HDLBP: variants seen among roughly 807,000 people sequenced by gnomAD.
HDLBP encodes high density lipoprotein binding protein, also known as vigilin.
In HDLBP, 30 loss-of-function variants were observed where a neutral mutation model predicts 137.3. That is an observed-to-expected ratio of 0.22 (90% confidence interval 0.16 to 0.30). The LOEUF is 0.30. Among genes scored for constraint, HDLBP ranks in the 10% least tolerant of loss-of-function variants. The pLI is 1.00. For missense variants in HDLBP, 1,119 were observed against 1,667.3 expected, an observed-to-expected ratio of 0.67 and a Z score of 5.73; for synonymous variants, 606 against 596.0, an observed-to-expected ratio of 1.02 and a Z score of -0.24.
chr2:241,285,353 A>C (rs2074764270), intron 1 of HDLBP, among the ~76,000 whole-genome samples: 1 of 152,334 alleles, frequency 6.6e-6, no homozygotes, highest in South Asian at 2.1e-4. Flanking sequence ...TGTGCACTGT[A>C]GCATTTTTGT....
chr2:241,295,205 G>A (rs2075133476), intron 1 of HDLBP, among the ~76,000 whole-genome samples: 1 of 152,108 alleles, frequency 6.6e-6, no homozygotes, highest in Non-Finnish European at 1.5e-5. Context: ...ACTTTCTATG[G>A]AGTTTAACAT....
At position 241,230,064 on chromosome 2, in the gene HDLBP, G is replaced by A; in HGVS notation, c.3591+89C>T. 6.3e-7 allele frequency: 1 copy of A among 1,579,886 alleles called. No individual in the cohort carries two copies. Among genetic ancestry groups the A allele is most frequent in the Non-Finnish European group, 8.7e-7 (1 of 1,155,546 alleles). On this transcript the variant is annotated intron_variant, in intron 26 of 27. Transcript: ENST00000310931. This position sits in a 1 kb window ranked among gnomAD's most constrained non-coding sequence, Gnocchi z 5.0. The stretch of plus-strand genomic sequence containing the variant: ...CTCGCCTGCCTCTGGAAACACAAGT[G>A]CCACCTTGTCCCCTGAAGCTCCTGG...
At chr2:241,267,879 T>C (rs1392030959) in intron 2 of HDLBP, 2 of 985,444 alleles carry the variant, frequency 2.0e-6, no homozygotes, top group Non-Finnish European at 2.4e-6. Context: ...AGTTTCTCAT[T>C]AGCACAGCCA....
At chr2:241,250,124 A>G in intron 11 of HDLBP, 144 bp from the exon 12 acceptor site, 1 of 768,502 alleles carries the variant, frequency 1.3e-6, no homozygotes, top group African/African-American at 1.8e-5. Flanking sequence ...TTCCCAAACA[A>G]AAATCTCCAT....
chr2:241,309,019 C>T (rs973714535), intron 1 of HDLBP, among the ~76,000 whole-genome samples: 3 of 152,098 alleles, frequency 2.0e-5, no homozygotes, highest in African/African-American at 7.2e-5. Flanking sequence ...CAGTCCTGCC[C>T]CCGTGCTTTT....
chr2:241,270,910 C>T (rs2073993106), intron 1 of HDLBP: 1 of 895,052 alleles, frequency 1.1e-6, no homozygotes, highest in Non-Finnish European at 1.3e-6. Context: ...CTGGATCTAA[C>T]AGTACTGTCC....
rs555079202 is a variant in HDLBP at position 241,299,395 on chromosome 2, T to G, written c.-103+16175A>C. Among the ~76,000 whole-genome samples, 8 of 148,830 alleles carry G rather than the reference T, an allele frequency of 5.4e-5. No homozygotes were observed. The South Asian group carries it at 1.7e-3, about 31-fold the overall frequency. ...AGCCAGGCATGGTGGCGTGCATCTG[T>G]AGTACCAGCTACTCGGGAGGCTGAG... On this transcript the variant is annotated intron_variant, in intron 1 of 27. Coordinates refer to ENST00000310931, the MANE Select transcript of HDLBP (RefSeq NM_005336.6).
intron 5 of HDLBP, among the ~76,000 whole-genome samples, chr2:241,258,930 A>G (rs2072934883): frequency 1.3e-5 from 2 of 152,208 alleles, no homozygotes; most frequent in African/African-American, 2.4e-5. Flanking sequence ...GCCCGATTCC[A>G]CATGCAGCCA....
At position 241,238,150 on chromosome 2, in the gene HDLBP, A is replaced by C. The variant is rs2289795; in HGVS notation, c.2749+499T>G. On this transcript the variant is annotated intron_variant, in intron 20 of 27. Coordinates refer to ENST00000310931, the MANE Select transcript of HDLBP (RefSeq NM_005336.6). This position sits in a 1 kb window ranked among gnomAD's most constrained non-coding sequence, Gnocchi z 4.9. ...TCCCACAGGTCGCCTCCCCACCACC[A>C]GGTGCATGAGCAGAGCTGGGGGCAA... is the stretch of plus-strand genomic sequence containing the variant. 40,732 of 152,428 alleles carry C rather than the reference A, an allele frequency of 0.27. 6,153 individuals are homozygous for C. Among genetic ancestry groups the C allele is most frequent in the East Asian group, 0.64 (3,282 of 5,166 alleles). The allele number at this position is 152,428 out of a possible 1,614,324, so 9.4% of individuals were successfully genotyped here.
chr2:241,298,573 G>A lies in HDLBP; in HGVS notation c.-103+16997C>T, dbSNP rs180689153. On this transcript the variant is annotated intron_variant, in intron 1 of 27. Transcript: ENST00000310931. Reference sequence around the variant, plus strand: ...CTCTGATTAAAGTTGAGATAGTTGAGATAACTGAAAGTTTGATTTTATTTC... The same window carrying A: ...CTCTGATTAAAGTTGAGATAGTTGAAATAACTGAAAGTTTGATTTTATTTC... 1.2e-4 allele frequency among the ~76,000 whole-genome samples: 19 copies of A among 152,202 alleles called. No homozygotes were observed. In the East Asian group the frequency reaches 2.9e-3, roughly 23 times the overall value.
intron 9 of HDLBP, among the ~76,000 whole-genome samples, chr2:241,254,097 C>G (rs113436328): frequency 6.6e-6 from 1 of 152,134 alleles, no homozygotes; most frequent in Non-Finnish European, 1.5e-5. Context: ...TCAACCTGGG[C>G]AACTAGTAAG....
At chr2:241,246,245 T>C (rs1039966182) in intron 16 of HDLBP, among the ~76,000 whole-genome samples, 4 of 116,794 alleles carry the variant, frequency 3.4e-5, no homozygotes, top group African/African-American at 1.4e-4. Flanking sequence ...GAAAGCAGAC[T>C]GGGGGTTGCC....
In HDLBP at chr2:241,256,318, C is replaced by T. The variant is rs754784308; in HGVS notation, c.739G>A (p.Glu247Lys). Residue 247 changes from glutamate (E) to lysine (K), a missense_variant, in exon 7 of 28, where the codon GAG becomes AAG. Glu to Lys is a moderately conservative substitution (Grantham distance 56). This residue lies in a region of HDLBP where 425 missense variants were observed against 693.9 expected (regional missense o/e 0.61). Transcript: ENST00000310931. ...CGCGTGCCTGTCTCCTGCATGATCT[C>T]GCCAACCAGTCTATTATACGGCCCA... ...IAGPYNRLVGEIMQETGTRIN... is the reference protein window; with the variant it reads ...IAGPYNRLVGKIMQETGTRIN... The T allele has an allele frequency of 2.7e-5, 43 of 1,614,028 alleles. No individual in the cohort carries two copies. The highest frequency in any genetic ancestry group is 3.5e-5 in the Non-Finnish European group (41 of 1,180,042).
chr2:241,295,247 A>C (rs942623540), intron 1 of HDLBP, among the ~76,000 whole-genome samples: 2 of 152,244 alleles, frequency 1.3e-5, no homozygotes, highest in African/African-American at 4.8e-5. Flanking sequence ...ATATTTCCCC[A>C]AAGTAACATA....
In HDLBP at chr2:241,272,396, G is replaced by A. The variant is rs2074147254; in HGVS notation, c.-102-3855C>T. The A allele has an allele frequency of 1.5e-5, 15 of 982,462 alleles. No individual in the cohort carries two copies. The highest frequency in any genetic ancestry group is 1.8e-5 in the Non-Finnish European group (15 of 829,038). 60.9% of individuals were successfully genotyped at this position (982,462 alleles called of 1,614,324 possible). A position where few individuals can be genotyped will look rare whatever the true frequency, so the allele number is the denominator to read the frequency against. On this transcript the variant is annotated intron_variant, in intron 1 of 27. Coordinates refer to ENST00000310931, the MANE Select transcript of HDLBP (RefSeq NM_005336.6). The surrounding 1 kb of genome is among the most constrained non-coding windows in gnomAD (Gnocchi z 5.6). Reference sequence around the variant, plus strand: ...GTCGGCCGCCCCTCCGCGCCGTGCGGCCACGGCACCAGGGGTGCCCCACCG... The same window carrying A: ...GTCGGCCGCCCCTCCGCGCCGTGCGACCACGGCACCAGGGGTGCCCCACCG...
chr2:241,270,748 C>A (rs756578609), intron 1 of HDLBP, among the ~76,000 whole-genome samples: 7 of 152,178 alleles, frequency 4.6e-5, no homozygotes, highest in Non-Finnish European at 8.8e-5. Context: ...ACAGACAACA[C>A]CCACGAGGGT....
intron 10 of HDLBP, 110 bp from the exon 11 acceptor site, chr2:241,253,145 G>T (rs1273164672): frequency 1.3e-6 from 1 of 755,756 alleles, no homozygotes; most frequent in African/African-American, 1.7e-5. Context: ...CAGCTGTCAG[G>T]AATTGTTGGA....
At position 241,229,355 on chromosome 2, in the gene HDLBP, T is replaced by C. The variant is rs925052665; in HGVS notation, c.*246A>G. On this transcript the variant is annotated 3_prime_UTR_variant, in exon 28 of 28. Transcript: ENST00000310931. ...GTGGACCAGGAGCTGGAGTCTGTTA[T>C]CTTAGCACGAATGCTCATGACCTTG... 2 of 432,270 alleles carry C rather than the reference T, an allele frequency of 4.6e-6. No individual in the cohort carries two copies. The highest frequency in any genetic ancestry group is 3.8e-5 in the Admixed American group (1 of 26,068). 26.8% of individuals were successfully genotyped at this position (432,270 alleles called of 1,614,324 possible). A position where few individuals can be genotyped will look rare whatever the true frequency, so the allele number is the denominator to read the frequency against.
intron 23 of HDLBP, 39 bp from the exon 24 acceptor site, chr2:241,234,002 C>G: frequency 6.2e-7 from 1 of 1,611,118 alleles, no homozygotes; most frequent in Non-Finnish European, 8.5e-7. Context: ...AAAGATTGAG[C>G]TGATCCACCC....
Sources: gnomAD v4.1 joint callset for allele counts (sites outside exome capture counted in the v4.1 genomes callset) on GRCh38, gnomAD v4.1.1 for gene constraint, gnomAD v4.1.1 regional missense constraint, Gnocchi (gnomAD v3.1) non-coding constraint, MANE v1.5 for transcripts, NCBI Gene and HGNC (gene_info 2026-07-23, HGNC 2026-07-21) for gene names.